Variants in TRIM22 observed in about 807,000 individuals in gnomAD.
The protein encoded by TRIM22 is E3 ubiquitin-protein ligase TRIM22.
TRIM22 carries 45 observed loss-of-function variants against 53.6 expected under a neutral mutation model. The observed-to-expected ratio is 0.84, with a 90% CI of 0.66 to 1.08. The LOEUF is 1.08. Among genes scored for constraint, TRIM22 ranks in the 50% least tolerant of loss-of-function variants. The probability of loss-of-function intolerance (pLI) is 0.00; values close to 1 mark genes in which losing one functional copy is unlikely to be tolerated. For synonymous variants in TRIM22, 225 were observed against 216.6 expected (o/e 1.04, Z -0.34); for missense variants, 616 against 590.9 (o/e 1.04, Z -0.44).
intron 7 of TRIM22, 71 bp downstream of exon 7, chr11:5,708,674 G>C: frequency 7.6e-7 from 1 of 1,317,430 alleles, no homozygotes. Flanking sequence ...CATAATCTGA[G>C]TCTCATGTGT....
intron 4 of TRIM22, among the ~76,000 whole-genome samples, chr11:5,699,762 G>C (rs949623764): frequency 4.1e-5 from 6 of 148,106 alleles, no homozygotes; most frequent in Non-Finnish European, 7.4e-5. Flanking sequence ...TTTCTAGTGG[G>C]AACATAATGG....
At chr11:5,699,085 A>G (rs1233662134) in intron 4 of TRIM22, among the ~76,000 whole-genome samples, 2 of 152,230 alleles carry the variant, frequency 1.3e-5, no homozygotes, top group Non-Finnish European at 2.9e-5. Context: ...ATCTGAATAT[A>G]TCATATTATG....
intron 4 of TRIM22, 134 bp downstream of exon 4, chr11:5,698,679 T>C: frequency 1.5e-6 from 1 of 681,458 alleles, no homozygotes; most frequent in Non-Finnish European, 2.5e-6. Flanking sequence ...GGCATGCCCC[T>C]TTTATGCCCA....
chr11:5,698,606 T>C (rs1853313569), intron 4 of TRIM22, 61 bp downstream of exon 4: 1 of 1,330,690 alleles, frequency 7.5e-7, no homozygotes, highest in Non-Finnish European at 1.0e-6. Context: ...AGGCCGATTT[T>C]CCTTCCCTTC....
chr11:5,693,464 T>C (rs1482880953), intron 1 of TRIM22, among the ~76,000 whole-genome samples: 1 of 151,722 alleles, frequency 6.6e-6, no homozygotes, highest in African/African-American at 2.4e-5. Context: ...CTCACGCCAG[T>C]AATCCCAGCA....
In TRIM22 at chr11:5,709,376, G is replaced by A. The variant is rs1402018592; in HGVS notation, c.1225G>A (p.Val409Ile). The A allele has an allele frequency of 2.5e-6, 4 of 1,614,126 alleles. No individual in the cohort carries two copies. The highest frequency in any genetic ancestry group is 2.5e-6 in the Non-Finnish European group (3 of 1,180,034). ...SRYRPQYGYW[V>I]IGLQNTCEYN... Reference sequence around the variant, plus strand: ...ATATAGACCTCAATATGGCTACTGGGTTATAGGATTACAGAATACATGTGA... The same window carrying A: ...ATATAGACCTCAATATGGCTACTGGATTATAGGATTACAGAATACATGTGA... The change falls in exon 8 of 8, where the codon GTT becomes ATT. Residue 409 changes from valine to isoleucine, a missense_variant. By Grantham distance (29) the Val-to-Ile change is conservative. Transcript: ENST00000379965.
intron 4 of TRIM22, among the ~76,000 whole-genome samples, chr11:5,705,074 G>A (rs1325664620): frequency 6.6e-6 from 1 of 152,128 alleles, no homozygotes; most frequent in African/African-American, 2.4e-5. Context: ...CTCATTCCCT[G>A]CAGTTGGTTA....
rs1853255524 is a variant in TRIM22 at position 5,696,202 on chromosome 11, C to A, written c.-31C>A. On this transcript the variant is annotated 5_prime_UTR_variant, in exon 2 of 8. Transcript: ENST00000379965. ...GTTTGTGACCAAGAACTTCAAGAGT[C>A]AAGACAGAAGGAAGCCAAGGGAGCA... is the stretch of plus-strand genomic sequence containing the variant. The A allele has an allele frequency of 5.7e-6, 9 of 1,570,172 alleles. No individual in the cohort carries two copies. Among genetic ancestry groups the A allele is most frequent in the Non-Finnish European group, 7.8e-6 (9 of 1,159,164 alleles).
At chr11:5,706,257 A>G (rs1270598093) in intron 4 of TRIM22, among the ~76,000 whole-genome samples, 1 of 152,170 alleles carries the variant, frequency 6.6e-6, no homozygotes, top group Non-Finnish European at 1.5e-5. Flanking sequence ...TCTGAATCTT[A>G]TCTCCACACT....
At chr11:5,692,333 A>G (rs1334571365) in intron 1 of TRIM22, among the ~76,000 whole-genome samples, 1 of 152,200 alleles carries the variant, frequency 6.6e-6, no homozygotes, top group Admixed American at 6.5e-5. Context: ...TCTTCAATAA[A>G]ATGATGGATT....
chr11:5,707,849 ATTT>A (rs1853485852), intron 5 of TRIM22, among the ~76,000 whole-genome samples: 1 of 149,724 alleles, frequency 6.7e-6, no homozygotes, highest in Non-Finnish European at 1.5e-5. Context: ...AAGCATTATT[ATTT>A]TATCTAATTT....
chr11:5,696,587 T>A lies in TRIM22; in HGVS notation c.355T>A (p.Cys119Ser). ...KEDGKVICWV[C>S]ELSQEHQGHQ... ...GGATGGAAAAGTCATTTGCTGGGTTTGTGAACTGTCTCAGGAACACCAAGG... is the reference window on the plus strand; with the variant it reads ...GGATGGAAAAGTCATTTGCTGGGTTAGTGAACTGTCTCAGGAACACCAAGG... The change falls in exon 2 of 8, where the codon TGT becomes AGT. Residue 119 changes from cysteine to serine, a missense_variant. Coordinates refer to ENST00000379965, the MANE Select transcript of TRIM22 (RefSeq NM_006074.5). The A allele has an allele frequency of 1.9e-6, 3 of 1,614,106 alleles. No individual in the cohort carries two copies. Among genetic ancestry groups the A allele is most frequent in the Non-Finnish European group, 1.7e-6 (2 of 1,180,042 alleles).
At chr11:5,708,713 G>T (rs879153126) in intron 7 of TRIM22, 110 bp downstream of exon 7, 1,021 of 685,628 alleles carry the variant, frequency 1.5e-3, no homozygotes, top group Non-Finnish European at 2.1e-3. Flanking sequence ...AAACCATGTA[G>T]TTCTTTTTTT....
intron 4 of TRIM22, among the ~76,000 whole-genome samples, chr11:5,703,510 C>A (rs1356171614): frequency 1.3e-5 from 2 of 151,866 alleles, no homozygotes; most frequent in African/African-American, 2.4e-5. Context: ...TGCATCCTCC[C>A]GAGTAGCTGG....
At chr11:5,696,860 A>G (rs1853271921) in intron 2 of TRIM22, 3 of 589,872 alleles carry the variant, frequency 5.1e-6, no homozygotes, top group South Asian at 5.3e-5. Context: ...ACAAATTTTT[A>G]GCAAGGAAAA....
At chr11:5,693,577 C>G (rs12785574) in intron 1 of TRIM22, among the ~76,000 whole-genome samples, 151,846 of 151,846 alleles carry the variant, frequency 1, 75,923 homozygotes, top group Non-Finnish European at 1. Context: ...CAAAAAATCA[C>G]CCGGGTGTGG....
At chr11:5,705,245 T>C (rs551936620) in intron 4 of TRIM22, among the ~76,000 whole-genome samples, 1 of 152,306 alleles carries the variant, frequency 6.6e-6, no homozygotes, top group East Asian at 1.9e-4. Context: ...AATTTTACTG[T>C]CATGAGTAAA....
At chr11:5,696,744 C>A in intron 2 of TRIM22, 89 bp downstream of exon 2, 2 of 1,379,912 alleles carry the variant, frequency 1.4e-6, no homozygotes, top group Non-Finnish European at 2.0e-6. Context: ...GCTTTATTCC[C>A]CTTGTCACCA....
intron 4 of TRIM22, among the ~76,000 whole-genome samples, chr11:5,702,283 AG>A (rs1199495727): frequency 1.4e-5 from 2 of 145,602 alleles, no homozygotes; most frequent in Admixed American, 6.9e-5. Context: ...ATATGCCTAA[AG>A]GTATATATAT....
Sources: gnomAD v4.1 joint callset for allele counts (sites outside exome capture counted in the v4.1 genomes callset) on GRCh38, gnomAD v4.1.1 for gene constraint, MANE v1.5 for transcripts, NCBI Gene and HGNC (gene_info 2026-07-23, HGNC 2026-07-21) for gene names.